The following ERBB4 variants were observed in gnomAD, a reference collection of about 807,000 sequenced individuals.
ERBB4 encodes receptor tyrosine-protein kinase erbB-4.
A neutral mutation model predicts 158.0 loss-of-function variants in ERBB4; 42 were observed. The observed-to-expected ratio is 0.27, with a 90% CI of 0.21 to 0.34. The LOEUF is 0.34. ERBB4 is among the 10% of genes least tolerant of loss of function. The pLI, the probability that ERBB4 is intolerant of heterozygous loss-of-function variation, is 1.00. For missense variants in ERBB4, 1,333 were observed against 1,624.1 expected (o/e 0.82, Z 3.08); for synonymous variants, 583 against 558.7 (o/e 1.04, Z -0.61).
At chr2:211,789,684 T>C (rs978708819) in intron 3 of ERBB4, among the ~76,000 whole-genome samples, 1 of 152,064 alleles carries the variant, frequency 6.6e-6, no homozygotes, top group Non-Finnish European at 1.5e-5. Context: ...AAGAGGGACA[T>C]GGATATTGGG....
chr2:212,003,872 A>G (rs111473504), intron 2 of ERBB4, among the ~76,000 whole-genome samples: 3,337 of 152,178 alleles, frequency 0.022, 56 homozygotes, highest in Middle Eastern at 0.048. Flanking sequence ...CAAGTTATAT[A>G]TTTTCTCTAA....
At chr2:212,039,573 T>C (rs1340602194) in intron 2 of ERBB4, among the ~76,000 whole-genome samples, 1 of 152,202 alleles carries the variant, frequency 6.6e-6, no homozygotes, top group Non-Finnish European at 1.5e-5. Flanking sequence ...GTGCTCAGCA[T>C]TGTTCAGTAA....
intron 1 of ERBB4, among the ~76,000 whole-genome samples, chr2:212,488,451 T>C (rs918814447): frequency 3.9e-5 from 6 of 152,082 alleles, no homozygotes; most frequent in African/African-American, 1.2e-4. Context: ...AATGATTTTC[T>C]AAATCACAAA....
chr2:212,193,971 A>C (rs1283705805), intron 1 of ERBB4, among the ~76,000 whole-genome samples: 1 of 152,058 alleles, frequency 6.6e-6, no homozygotes, highest in Non-Finnish European at 1.5e-5. Flanking sequence ...ACTATGGCAC[A>C]AATGTAATGC....
At chr2:212,119,500 T>A (rs2079677985) in intron 2 of ERBB4, among the ~76,000 whole-genome samples, 1 of 152,162 alleles carries the variant, frequency 6.6e-6, no homozygotes. Flanking sequence ...TCATTCCCAT[T>A]ACTTACTACA....
In ERBB4 at chr2:211,383,983, C is replaced by G. The variant is rs144842611; in HGVS notation, c.3559G>C (p.Glu1187Gln). Reference sequence around the variant, plus strand: ...GGACCATTGGATGCATTGTGATATTCGGGATTATCCAATGCTTGAAGGTCT... The same window carrying G: ...GGACCATTGGATGCATTGTGATATTGGGGATTATCCAATGCTTGAAGGTCT... ...NGDLQALDNP[E>Q]YHNASNGPPK... is the part of the protein sequence containing the mutation. The change falls in exon 28 of 28, where the codon GAA becomes CAA. Residue 1187 changes from glutamate (E) to glutamine (Q), a missense_variant. Physicochemically the swap from Glu to Gln is conservative, Grantham distance 29. Transcript: ENST00000342788. The G allele has an allele frequency of 3.7e-6, 6 of 1,613,962 alleles. No homozygotes were observed. In the Admixed American group the frequency reaches 5.0e-5, roughly 13 times the overall value.
At chr2:211,441,705 T>C (rs1050638144) in intron 20 of ERBB4, among the ~76,000 whole-genome samples, 3 of 152,158 alleles carry the variant, frequency 2.0e-5, no homozygotes, top group Non-Finnish European at 2.9e-5. Context: ...ATTGCAATTA[T>C]GCCCTTCCAT....
At chr2:211,951,205 A>G (rs2080865616) in intron 2 of ERBB4, among the ~76,000 whole-genome samples, 1 of 152,166 alleles carries the variant, frequency 6.6e-6, no homozygotes, top group South Asian at 2.1e-4. Context: ...GTAAAATGTC[A>G]TTGGTTTATC....
intron 20 of ERBB4, among the ~76,000 whole-genome samples, chr2:211,530,881 C>T (rs925261690): frequency 5.3e-5 from 8 of 151,932 alleles, no homozygotes; most frequent in African/African-American, 1.9e-4. Context: ...AGAGTGAGAC[C>T]ATGTCTTCAA....
At chr2:212,367,720 C>T (rs889278611) in intron 1 of ERBB4, among the ~76,000 whole-genome samples, 6 of 151,826 alleles carry the variant, frequency 4.0e-5, no homozygotes, top group East Asian at 1.9e-4. Flanking sequence ...GAATCTACAA[C>T]GAATTCAAAT....
intron 1 of ERBB4, among the ~76,000 whole-genome samples, chr2:212,193,944 G>A (rs916782307): frequency 6.6e-6 from 1 of 151,934 alleles, no homozygotes; most frequent in Non-Finnish European, 1.5e-5. Flanking sequence ...TAATTCTAGA[G>A]CCACACCATT....
At chr2:211,444,192 A>G (rs4334429) in intron 20 of ERBB4, among the ~76,000 whole-genome samples, 122,288 of 151,848 alleles carry the variant, frequency 0.81, 49,709 homozygotes, top group African/African-American at 0.91. Context: ...GGTAGAAAAT[A>G]GAGATGATAA....
intron 2 of ERBB4, among the ~76,000 whole-genome samples, chr2:212,003,228 G>GACA (rs2076177349): frequency 1.1e-5 from 1 of 92,540 alleles, no homozygotes; most frequent in Non-Finnish European, 2.4e-5. Flanking sequence ...AAGGAAGGAA[G>GACA]GAAGGAAGGA....
intron 1 of ERBB4, among the ~76,000 whole-genome samples, chr2:212,320,387 G>A (rs2087509563): frequency 6.8e-6 from 1 of 148,060 alleles, no homozygotes; most frequent in South Asian, 2.2e-4. Context: ...TAGAGAAAAT[G>A]TACTCTGATC....
At chr2:211,848,642 C>G (rs1481177529) in intron 3 of ERBB4, among the ~76,000 whole-genome samples, 2 of 151,986 alleles carry the variant, frequency 1.3e-5, no homozygotes, top group Non-Finnish European at 2.9e-5. Context: ...TATAATACTA[C>G]AAAACCATAT....
At chr2:211,761,190 CAA>C (rs58277006) in intron 4 of ERBB4, among the ~76,000 whole-genome samples, 12 of 89,942 alleles carry the variant, frequency 1.3e-4, no homozygotes, top group African/African-American at 3.1e-4. Context: ...TGAGATTCCT[CAA>C]AAAAAAAAAA....
intron 1 of ERBB4, among the ~76,000 whole-genome samples, chr2:212,333,216 G>A (rs1470984327): frequency 6.6e-6 from 1 of 151,914 alleles, no homozygotes; most frequent in Non-Finnish European, 1.5e-5. Context: ...AAAACTTCCT[G>A]GTTAAGAACC....
intron 1 of ERBB4, among the ~76,000 whole-genome samples, chr2:212,492,276 T>C (rs1259067333): frequency 6.6e-6 from 1 of 151,376 alleles, no homozygotes; most frequent in Non-Finnish European, 1.5e-5. Flanking sequence ...TTTAAAATAA[T>C]AGAATTTTCA....
chr2:211,878,032 C>T (rs935431393), intron 3 of ERBB4, among the ~76,000 whole-genome samples: 2 of 152,166 alleles, frequency 1.3e-5, no homozygotes, highest in Admixed American at 6.6e-5. Flanking sequence ...ATCTTGAACC[C>T]AGGAGGCAGA....
Sources: gnomAD v4.1 joint callset for allele counts (sites outside exome capture counted in the v4.1 genomes callset) on GRCh38, gnomAD v4.1.1 for gene constraint, MANE v1.5 for transcripts, NCBI Gene and HGNC (gene_info 2026-07-23, HGNC 2026-07-21) for gene names.